C4orf51: variants seen among roughly 807,000 people sequenced by gnomAD.
C4orf51 encodes chromosome 4 open reading frame 51.
In C4orf51, 25 loss-of-function variants were observed where a neutral mutation model predicts 25.2. The observed-to-expected ratio is 0.99, with a 90% CI of 0.72 to 1.39. The LOEUF (loss-of-function observed/expected upper bound fraction) is 1.39. Ranked by LOEUF, C4orf51 falls within the 40% of genes most tolerant of loss-of-function variation. The pLI is 0.00. For synonymous variants in C4orf51, 100 were observed against 84.5 expected (o/e 1.18, Z -1.01); for missense variants, 252 against 239.6 (o/e 1.05, Z -0.34).
intron 1 of C4orf51, chr4:145,770,904 C>T (rs147130563): frequency 6.6e-6 from 1 of 152,288 alleles, no homozygotes; most frequent in African/African-American, 2.4e-5. Context: ...AGTTTTACAA[C>T]TCCGCAGGGC....
intron 1 of C4orf51, among the ~76,000 whole-genome samples, chr4:145,686,913 T>C (rs1445131261): frequency 6.6e-6 from 1 of 152,118 alleles, no homozygotes; most frequent in African/African-American, 2.4e-5. Context: ...GTGAAAAATC[T>C]ATTCTTGCCA....
the C4orf51 span, among the ~76,000 whole-genome samples, chr4:145,778,613 G>A: frequency 6.6e-6 from 1 of 151,782 alleles, no homozygotes; most frequent in Non-Finnish European, 1.5e-5. Flanking sequence ...CCCTATCTTG[G>A]GGGAAAAAAA....
intron 2 of C4orf51, among the ~76,000 whole-genome samples, chr4:145,708,693 C>T (rs1730970663): frequency 6.6e-6 from 1 of 152,188 alleles, no homozygotes; most frequent in Non-Finnish European, 1.5e-5. Flanking sequence ...CTAACCTTGC[C>T]TTCATCACTT....
chr4:145,700,031 G>A lies in C4orf51; in HGVS notation c.307+3399G>A, dbSNP rs78131697. ...CCCCAATCCCTTATTTCTGCACCCC[G>A]ACCTCTTATCTCTGTGCCCCAATCC... On this transcript the variant is annotated intron_variant, in intron 2 of 5. Coordinates refer to ENST00000438731, the MANE Select transcript of C4orf51 (RefSeq NM_001080531.3). 9.7e-3 allele frequency among the ~76,000 whole-genome samples: 1,406 copies of A among 145,084 alleles called. 10 individuals carry two copies. Among genetic ancestry groups the A allele is most frequent in the Non-Finnish European group, 0.015 (1,020 of 66,288 alleles).
At chr4:145,716,480 G>T (rs1271198482) in intron 2 of C4orf51, among the ~76,000 whole-genome samples, 1 of 152,198 alleles carries the variant, frequency 6.6e-6, no homozygotes, top group Non-Finnish European at 1.5e-5. Flanking sequence ...CTATGGAAGG[G>T]AACAGCTGGC....
the C4orf51 span, among the ~76,000 whole-genome samples, chr4:145,790,132 A>G: frequency 6.6e-6 from 1 of 152,262 alleles, no homozygotes; most frequent in Admixed American, 6.5e-5. Context: ...AGAGTTACCT[A>G]AAGACTGTAT....
intron 1 of C4orf51, among the ~76,000 whole-genome samples, chr4:145,752,521 T>A (rs950250137): frequency 6.6e-6 from 1 of 152,180 alleles, no homozygotes; most frequent in Non-Finnish European, 1.5e-5. Context: ...TTATCCAAGT[T>A]ACAAGACAAA....
intron 1 of C4orf51, among the ~76,000 whole-genome samples, chr4:145,753,216 A>G (rs1474810257): frequency 6.6e-6 from 1 of 151,252 alleles, no homozygotes; most frequent in Admixed American, 6.6e-5. Context: ...GGGGAAAAAG[A>G]GGACGATTGG....
chr4:145,690,179 C>G (rs1309511692), intron 1 of C4orf51, among the ~76,000 whole-genome samples: 1 of 144,852 alleles, frequency 6.9e-6, no homozygotes, highest in Non-Finnish European at 1.5e-5. Flanking sequence ...CACACTCCAG[C>G]TTGGGCAACA....
chr4:145,777,478 A>G, the C4orf51 span, among the ~76,000 whole-genome samples: 94 of 152,292 alleles, frequency 6.2e-4, no homozygotes, highest in Non-Finnish European at 1.2e-3. Flanking sequence ...CTCTTTGGGA[A>G]CCGACTGATT....
chr4:145,770,307 TAAATAAA>T (rs1298766422), intron 1 of C4orf51, among the ~76,000 whole-genome samples: 1 of 43,548 alleles, frequency 2.3e-5, no homozygotes, highest in African/African-American at 7.7e-5. Context: ...TTAAAATAAA[TAAATAAA>T]TAAATAAATA....
At chr4:145,788,780 A>G in the C4orf51 span, among the ~76,000 whole-genome samples, 4 of 152,206 alleles carry the variant, frequency 2.6e-5, no homozygotes, top group African/African-American at 9.6e-5. Context: ...GGTCTTAGCA[A>G]TGGGCCCTCA....
chr4:145,729,314 T>G (rs1383183694), intron 4 of C4orf51, 85 bp downstream of exon 4: 2 of 923,652 alleles, frequency 2.2e-6, no homozygotes, highest in Non-Finnish European at 3.2e-6. Flanking sequence ...TTTTTTTTTT[T>G]TTTTTTTGAG....
intron 1 of C4orf51, among the ~76,000 whole-genome samples, chr4:145,683,016 A>T (rs192487021): frequency 4.4e-4 from 67 of 152,108 alleles, no homozygotes; most frequent in South Asian, 8.3e-4. Context: ...AAAAAATTTT[A>T]AAAAAAAATC....
chr4:145,737,267 C>T (rs1162852656), downstream of C4orf51, among the ~76,000 whole-genome samples: 1 of 152,156 alleles, frequency 6.6e-6, no homozygotes, highest in Non-Finnish European at 1.5e-5. Context: ...TTTGTCTTAA[C>T]ATAGCCCTCT....
At chr4:145,705,750 C>G (rs1408729295) in intron 2 of C4orf51, among the ~76,000 whole-genome samples, 3 of 152,122 alleles carry the variant, frequency 2.0e-5, no homozygotes, top group Non-Finnish European at 4.4e-5. Context: ...AGGACAGTAT[C>G]CCTCACTGAT....
chr4:145,712,844 T>G (rs1731208043), intron 2 of C4orf51, among the ~76,000 whole-genome samples: 1 of 152,178 alleles, frequency 6.6e-6, no homozygotes, highest in East Asian at 1.9e-4. Flanking sequence ...CTTCAAAACT[T>G]CAAAGGATAG....
the C4orf51 span, among the ~76,000 whole-genome samples, chr4:145,788,036 C>T: frequency 2.6e-5 from 4 of 152,174 alleles, no homozygotes. Flanking sequence ...GGTAACCTGC[C>T]TAGTGACTCT....
the C4orf51 span, among the ~76,000 whole-genome samples, chr4:145,787,642 G>A: frequency 2.0e-5 from 3 of 151,968 alleles, no homozygotes; most frequent in African/African-American, 7.3e-5. Context: ...CTTTCAGGGG[G>A]TCCATGCACA....
Sources: allele counts gnomAD v4.1 joint callset (sites outside exome capture counted in the v4.1 genomes callset), GRCh38; gene constraint gnomAD v4.1.1; transcripts MANE v1.5; gene names NCBI Gene and HGNC (gene_info 2026-07-23, HGNC 2026-07-21).